The following SUMF1 variants were observed in gnomAD, a reference collection of about 807,000 sequenced individuals.
The protein encoded by SUMF1 is sulfatase modifying factor 1.
SUMF1 carries 48 observed loss-of-function variants against 47.6 expected under a neutral mutation model. The observed-to-expected ratio is 1.01, with a 90% CI of 0.80 to 1.28. The LOEUF (loss-of-function observed/expected upper bound fraction) is 1.28, where lower values mean the gene tolerates loss of function less well. Among genes scored for constraint, SUMF1 ranks in the 50% most tolerant of loss-of-function variants. The pLI, the probability that SUMF1 is intolerant of heterozygous loss-of-function variation, is 0.00. For missense variants in SUMF1, 571 were observed against 485.4 expected (o/e 1.18, Z -1.66); for synonymous variants, 230 against 192.1 (o/e 1.20, Z -1.63).
chr3:4,466,759 A>C (rs1169713282), intron 1 of SUMF1, among the ~76,000 whole-genome samples: 1 of 152,256 alleles, frequency 6.6e-6, no homozygotes. Context: ...GTAAAGAAGT[A>C]ACAATAACCC....
At chr3:4,200,338 G>T (rs1695515321) in intron 8 of SUMF1, among the ~76,000 whole-genome samples, 1 of 151,866 alleles carries the variant, frequency 6.6e-6, no homozygotes, top group South Asian at 2.1e-4. Flanking sequence ...GAATTCAGTG[G>T]GCAAAATCTG....
chr3:4,053,345 G>C (rs1167584528), intron 9 of SUMF1, among the ~76,000 whole-genome samples: 1 of 152,064 alleles, frequency 6.6e-6, no homozygotes, highest in East Asian at 1.9e-4. Flanking sequence ...AATGATCACA[G>C]ATCACTGTAA....
intron 8 of SUMF1, among the ~76,000 whole-genome samples, chr3:4,204,526 G>A (rs1421768220): frequency 6.6e-6 from 1 of 151,936 alleles, no homozygotes; most frequent in Non-Finnish European, 1.5e-5. Flanking sequence ...TCTCTCTCTA[G>A]GTTTGGTAAG....
chr3:4,348,639 T>C (rs951098993), intron 8 of SUMF1, among the ~76,000 whole-genome samples: 1 of 150,798 alleles, frequency 6.6e-6, no homozygotes, highest in African/African-American at 2.4e-5. Context: ...CTGAGGCGGG[T>C]TGACCACCTG....
intron 7 of SUMF1, among the ~76,000 whole-genome samples, chr3:4,408,043 C>A (rs560525981): frequency 6.6e-6 from 1 of 152,264 alleles, no homozygotes; most frequent in African/African-American, 2.4e-5. Flanking sequence ...TAAATCCTTT[C>A]CAGAGACACA....
chr3:4,290,810 A>C lies in SUMF1; in HGVS notation c.1014+85520T>G, dbSNP rs138917729. ...TTCAGACGTGTACTGAAGCCAGTTC[A>C]TACCTACTCTCATCAATAGCTTAAC... On this transcript the variant is annotated intron_variant and NMD_transcript_variant, in intron 8 of 12. Coordinates refer to the SUMF1 transcript ENST00000448413. 2.0e-3 allele frequency among the ~76,000 whole-genome samples: 309 copies of C among 152,304 alleles called. 1 individual carries two copies. The highest frequency in any genetic ancestry group is 0.014 in the Middle Eastern group (4 of 294).
At chr3:4,313,903 T>C (rs1698530668) in intron 8 of SUMF1, 14 of 1,408,140 alleles carry the variant, frequency 9.9e-6, no homozygotes, top group Non-Finnish European at 1.3e-5. Flanking sequence ...TCCTTTCCCC[T>C]TTCTGTAATA....
chr3:4,383,293 T>C (rs1700568642), intron 7 of SUMF1, among the ~76,000 whole-genome samples: 1 of 152,060 alleles, frequency 6.6e-6, no homozygotes, highest in South Asian at 2.1e-4. Context: ...GCAGGAGAAT[T>C]GCTTGAACCC....
At chr3:4,245,776 C>T (rs763439122) in intron 8 of SUMF1, among the ~76,000 whole-genome samples, 1 of 152,194 alleles carries the variant, frequency 6.6e-6, no homozygotes, top group Admixed American at 6.5e-5. Context: ...CTCTTCAGAG[C>T]TGTCAGGCAG....
intron 8 of SUMF1, among the ~76,000 whole-genome samples, chr3:4,073,690 T>C (rs186047128): frequency 5.3e-5 from 8 of 152,246 alleles, no homozygotes; most frequent in African/African-American, 1.9e-4. Context: ...GTTGCAATCC[T>C]AGTCTCTGAG....
At chr3:4,099,335 T>A (rs984763774) in intron 8 of SUMF1, among the ~76,000 whole-genome samples, 1 of 152,162 alleles carries the variant, frequency 6.6e-6, no homozygotes, top group Non-Finnish European at 1.5e-5. Flanking sequence ...TGATCCATCA[T>A]ATTCACAGAG....
intron 8 of SUMF1, among the ~76,000 whole-genome samples, chr3:4,187,212 A>C (rs185172374): frequency 1.3e-5 from 2 of 152,118 alleles, no homozygotes; most frequent in African/African-American, 2.4e-5. Context: ...TCTACAAAAA[A>C]TAAAAACATT....
chr3:4,101,480 A>G (rs919306872), intron 8 of SUMF1, among the ~76,000 whole-genome samples: 4 of 152,142 alleles, frequency 2.6e-5, no homozygotes, highest in African/African-American at 7.2e-5. Context: ...GGTGGTTACC[A>G]GATCTGGGGG....
chr3:4,273,728 C>T (rs1487510007), intron 8 of SUMF1, among the ~76,000 whole-genome samples: 5 of 58,426 alleles, frequency 8.6e-5, no homozygotes, highest in Non-Finnish European at 1.5e-4. Context: ...AGGGAGGATA[C>T]GGGAGGGAGG....
chr3:4,324,992 A>G (rs1286241013), intron 8 of SUMF1, among the ~76,000 whole-genome samples: 1 of 152,154 alleles, frequency 6.6e-6, no homozygotes, highest in East Asian at 1.9e-4. Context: ...TGAAAGGCAC[A>G]CCTTACACAG....
intron 6 of SUMF1, 106 bp downstream of exon 6, chr3:4,417,022 G>C: frequency 9.9e-7 from 1 of 1,014,452 alleles, no homozygotes; most frequent in Non-Finnish European, 1.6e-6. Flanking sequence ...ATACACGAAG[G>C]GAACACCGTG....
intron 7 of SUMF1, among the ~76,000 whole-genome samples, chr3:4,393,172 G>A (rs1447108352): frequency 6.6e-6 from 1 of 152,098 alleles, no homozygotes; most frequent in African/African-American, 2.4e-5. Context: ...GCTACCGTGG[G>A]CTAGTCATGC....
At chr3:4,078,832 C>G (rs1279105899) in intron 8 of SUMF1, among the ~76,000 whole-genome samples, 1 of 152,006 alleles carries the variant, frequency 6.6e-6, no homozygotes, top group Non-Finnish European at 1.5e-5. Flanking sequence ...GGTGAAAAAA[C>G]TGGGACAGAG....
chr3:4,293,497 T>C (rs1697781171), intron 8 of SUMF1, among the ~76,000 whole-genome samples: 1 of 152,186 alleles, frequency 6.6e-6, no homozygotes, highest in African/African-American at 2.4e-5. Flanking sequence ...TCTATGACCA[T>C]TTATAAATTG....
Sources: gnomAD v4.1 joint callset for allele counts (sites outside exome capture counted in the v4.1 genomes callset) on GRCh38, gnomAD v4.1.1 for gene constraint, MANE v1.5 for transcripts, NCBI Gene and HGNC (gene_info 2026-07-23, HGNC 2026-07-21) for gene names.